COL26A1: variants seen among roughly 807,000 people sequenced by gnomAD.
COL26A1 encodes collagen type XXVI alpha 1 chain.
COL26A1 carries 41 observed loss-of-function variants against 59.3 expected under a neutral mutation model. That is an observed-to-expected ratio of 0.69 (90% CI 0.54 to 0.90). The LOEUF (loss-of-function observed/expected upper bound fraction) is 0.90. Ranked by LOEUF, COL26A1 falls within the 40% of genes least tolerant of loss-of-function variation. The pLI, the probability that COL26A1 is intolerant of heterozygous loss-of-function variation, is 0.00. For missense variants in COL26A1, 612 were observed against 602.3 expected (o/e 1.02, Z -0.17); for synonymous variants, 266 against 256.0 (o/e 1.04, Z -0.37).
intron 3 of COL26A1, among the ~76,000 whole-genome samples, chr7:101,522,716 T>TA (rs1282570071): frequency 6.6e-6 from 1 of 152,126 alleles, no homozygotes; most frequent in Non-Finnish European, 1.5e-5. Flanking sequence ...TCAGCCTTAT[T>TA]AGAGACTGCC....
chr7:101,529,546 A>C (rs1262085781), intron 3 of COL26A1, among the ~76,000 whole-genome samples: 1 of 152,188 alleles, frequency 6.6e-6, no homozygotes, highest in Admixed American at 6.5e-5. Flanking sequence ...GGCGTGAGCC[A>C]CCATGCCCGG....
chr7:101,435,059 T>C (rs1792882828), intron 2 of COL26A1, among the ~76,000 whole-genome samples: 1 of 152,122 alleles, frequency 6.6e-6, no homozygotes, highest in African/African-American at 2.4e-5. Context: ...GCGTGGTGGC[T>C]CACGCCTGTA....
chr7:101,421,807 C>T (rs552405813), intron 2 of COL26A1, among the ~76,000 whole-genome samples: 19 of 152,216 alleles, frequency 1.2e-4, no homozygotes, highest in Admixed American at 6.6e-4. Flanking sequence ...TAAACCTATA[C>T]GAACATCCTG....
chr7:101,460,224 G>A (rs1793577375), intron 3 of COL26A1, among the ~76,000 whole-genome samples: 1 of 152,118 alleles, frequency 6.6e-6, no homozygotes, highest in East Asian at 1.9e-4. Flanking sequence ...GTGGTGGAGA[G>A]TGTGCAGGGG....
intron 3 of COL26A1, among the ~76,000 whole-genome samples, chr7:101,460,363 T>C (rs1179966191): frequency 2.0e-5 from 3 of 152,178 alleles, no homozygotes; most frequent in African/African-American, 7.2e-5. Context: ...CCTGGCTCCC[T>C]GGGTCTAAGT....
intron 2 of COL26A1, among the ~76,000 whole-genome samples, chr7:101,423,684 G>A (rs62463412): frequency 6.6e-6 from 1 of 151,480 alleles, no homozygotes; most frequent in Admixed American, 6.6e-5. Flanking sequence ...GCAGTGAGCC[G>A]AGATCGCACC....
At chr7:101,475,936 T>C (rs1287308263) in intron 3 of COL26A1, among the ~76,000 whole-genome samples, 3 of 149,432 alleles carry the variant, frequency 2.0e-5, no homozygotes, top group African/African-American at 4.9e-5. Context: ...CTCTCTCTCT[T>C]TCTTTCTTCT....
chr7:101,519,841 T>G (rs1356605885), intron 3 of COL26A1, among the ~76,000 whole-genome samples: 1 of 152,166 alleles, frequency 6.6e-6, no homozygotes, highest in Non-Finnish European at 1.5e-5. Context: ...GAGTTTTGCT[T>G]GCTGAGAGCA....
chr7:101,522,253 A>G (rs1174955428), intron 3 of COL26A1, among the ~76,000 whole-genome samples: 2 of 152,158 alleles, frequency 1.3e-5, no homozygotes. Context: ...AAGGGAACTT[A>G]GGCACCCACC....
At chr7:101,473,447 T>C (rs1318800239) in intron 3 of COL26A1, among the ~76,000 whole-genome samples, 1 of 149,914 alleles carries the variant, frequency 6.7e-6, no homozygotes, top group Non-Finnish European at 1.5e-5. Flanking sequence ...CACTGGGGCT[T>C]GGCACCACCT....
intron 1 of COL26A1, among the ~76,000 whole-genome samples, chr7:101,388,397 C>T (rs1237019938): frequency 6.6e-6 from 1 of 151,546 alleles, no homozygotes; most frequent in South Asian, 2.1e-4. Context: ...CTCCTGAACC[C>T]GGGAGACGGA....
At position 101,444,875 on chromosome 7, in the gene COL26A1, A is replaced by G. The variant is rs560000125; in HGVS notation, c.282-2809A>G. Among the ~76,000 whole-genome samples, 13 of 150,286 alleles carry G rather than the reference A, an allele frequency of 8.7e-5. No individual in the cohort carries two copies. The East Asian group carries it at 2.4e-3, about 28-fold the overall frequency. On this transcript the variant is annotated intron_variant, in intron 2 of 12. Coordinates refer to ENST00000313669, the MANE Select transcript of COL26A1 (RefSeq NM_001278563.3). ...TTTATTTTTTTTGAGATGGAGTCTC[A>G]CTCTTTCACACAGGCTGGAGTGCAG...
At chr7:101,556,423 G>C (rs995838263) in intron 12 of COL26A1, among the ~76,000 whole-genome samples, 7 of 149,830 alleles carry the variant, frequency 4.7e-5, no homozygotes, top group Non-Finnish European at 7.4e-5. Flanking sequence ...GGGTGGGTGA[G>C]TGAGTGAGTG....
rs188985772 is a variant in COL26A1 at position 101,378,602 on chromosome 7, T to C, written c.158+15412T>C. Among the ~76,000 whole-genome samples, 417 of 152,052 alleles carry C rather than the reference T, an allele frequency of 2.7e-3. 7 individuals are homozygous for C. The highest frequency in any genetic ancestry group is 0.022 in the East Asian group (115 of 5,142). On this transcript the variant is annotated intron_variant, in intron 1 of 12. Transcript: ENST00000313669. ...GTCTCGAACTCCTGGCTTCAAGCGA[T>C]CCTCCAGACTTGGGGGCTGGGGACA...
chr7:101,391,308 A>T (rs1791723276), intron 1 of COL26A1, among the ~76,000 whole-genome samples: 1 of 151,496 alleles, frequency 6.6e-6, no homozygotes, highest in African/African-American at 2.4e-5. Context: ...CCGGGATTCT[A>T]TTTTTTTTAT....
At position 101,485,627 on chromosome 7, in the gene COL26A1, GTCA is replaced by G. The variant is rs372053662; in HGVS notation, c.385+37843_385+37845del. On this transcript the variant is annotated intron_variant, in intron 3 of 12. Coordinates refer to ENST00000313669, the MANE Select transcript of COL26A1 (RefSeq NM_001278563.3). Reference sequence around the variant, plus strand: ...CTATGGCTGCCTTTGTTTACCTGCCGTCATCTGATCTCTGCATCCCCAGTGCCC... The same window carrying G: ...CTATGGCTGCCTTTGTTTACCTGCCGTCTGATCTCTGCATCCCCAGTGCCC... Among the ~76,000 whole-genome samples the G allele has an allele frequency of 3.5e-3, 530 of 152,234 alleles. 3 individuals are homozygous for G. The highest frequency in any genetic ancestry group is 0.012 in the African/African-American group (494 of 41,550).
chr7:101,387,766 A>C (rs1396161037), intron 1 of COL26A1, among the ~76,000 whole-genome samples: 2 of 38,744 alleles, frequency 5.2e-5, no homozygotes, highest in South Asian at 2.5e-3. Context: ...ATATATATAT[A>C]TATATATATA....
intron 1 of COL26A1, among the ~76,000 whole-genome samples, chr7:101,371,568 T>G (rs1011744080): frequency 6.6e-6 from 1 of 150,576 alleles, no homozygotes; most frequent in Non-Finnish European, 1.5e-5. Flanking sequence ...GGAGGATCAC[T>G]TGAGCCCAGG....
intron 3 of COL26A1, among the ~76,000 whole-genome samples, chr7:101,451,871 T>C (rs1176019555): frequency 6.6e-6 from 1 of 151,984 alleles, no homozygotes. Context: ...CACCCAGCTA[T>C]GTTTTTTGTA....
Sources: gnomAD v4.1 joint callset for allele counts (sites outside exome capture counted in the v4.1 genomes callset) on GRCh38, gnomAD v4.1.1 for gene constraint, MANE v1.5 for transcripts, NCBI Gene and HGNC (gene_info 2026-07-23, HGNC 2026-07-21) for gene names.